Variants in PTP4A2 observed in about 807,000 individuals in gnomAD.
PTP4A2 encodes protein tyrosine phosphatase 4A2.
Under a neutral mutation model 22.9 loss-of-function variants are expected in PTP4A2, and 2 were observed. That is an observed-to-expected ratio of 0.09 (90% CI 0.04 to 0.27). The LOEUF (loss-of-function observed/expected upper bound fraction) is 0.27. Among genes scored for constraint, PTP4A2 ranks in the 10% least tolerant of loss-of-function variants. The pLI, the probability that PTP4A2 is intolerant of heterozygous loss-of-function variation, is 1.00. For missense variants in PTP4A2, 103 were observed against 205.1 expected (o/e 0.50, Z 3.04); for synonymous variants, 68 against 69.1 (o/e 0.98, Z 0.08).
At chr1:31,915,132 G>A (rs983173343) in intron 3 of PTP4A2, among the ~76,000 whole-genome samples, 3 of 152,104 alleles carry the variant, frequency 2.0e-5, no homozygotes, top group Non-Finnish European at 4.4e-5. Context: ...GCTAAATATT[G>A]TATTAATTTC....
chr1:31,911,581 G>A (rs1651535893), intron 4 of PTP4A2, 115 bp downstream of exon 4: 2 of 975,074 alleles, frequency 2.1e-6, no homozygotes, highest in African/African-American at 3.4e-5. Context: ...TTCCTTTCAG[G>A]TAATTTAATG....
At position 31,908,126 on chromosome 1, in the gene PTP4A2, ATATATATATTATATT is replaced by A. The variant is rs1651286500; in HGVS notation, c.*711_*725del. 1 of 476 alleles carries A rather than the reference ATATATATATTATATT, an allele frequency of 2.1e-3. No individual in the cohort carries two copies. Among genetic ancestry groups the A allele is most frequent in the Non-Finnish European group, 3.7e-3 (1 of 268 alleles). The allele number at this position is 476 out of a possible 1,614,324, so 0.0% of individuals were successfully genotyped here. ...AACCACCTGGAAAATATATATATAT[ATATATATATTATATT>A]ATATATATATATATATATATATATA... On this transcript the variant is annotated 3_prime_UTR_variant, in exon 6 of 6. Coordinates refer to ENST00000647444, the MANE Select transcript of PTP4A2 (RefSeq NM_080391.4).
rs570734348 is a variant in PTP4A2 at position 31,927,355 on chromosome 1, G to A, written c.-593-7697C>T. The stretch of plus-strand genomic sequence containing the variant: ...CAACAGACACTGGGGACCACTTGAG[G>A]GTGGAGGGTGAGAGGAGAGTGGGGC... On this transcript the variant is annotated intron_variant, in intron 1 of 5. Transcript: ENST00000647444. Among the ~76,000 whole-genome samples, 21 of 152,300 alleles carry A rather than the reference G, an allele frequency of 1.4e-4. No homozygotes were observed. In the South Asian group the frequency reaches 4.3e-3, roughly 32 times the overall value.
chr1:31,936,854 C>T (rs1193735906), intron 1 of PTP4A2, among the ~76,000 whole-genome samples: 1 of 152,156 alleles, frequency 6.6e-6, no homozygotes, highest in Non-Finnish European at 1.5e-5. Context: ...TCTTACAGAG[C>T]ATGACAGCAA....
chr1:31,934,728 T>C (rs1053354932), intron 1 of PTP4A2, among the ~76,000 whole-genome samples: 1 of 152,194 alleles, frequency 6.6e-6, no homozygotes, highest in African/African-American at 2.4e-5. Context: ...TATGGGGCTC[T>C]CATACTGTTT....
At position 31,929,801 on chromosome 1, in the gene PTP4A2, G is replaced by A. The variant is rs190470664; in HGVS notation, c.-594+8186C>T. On this transcript the variant is annotated intron_variant, in intron 1 of 5. Transcript: ENST00000647444. ...TAATTTAAGATTCTGAACTTCAATT[G>A]TAATAAAGCAAATTCAGTAGTAAAA... Among the ~76,000 whole-genome samples, 276 of 152,252 alleles carry A rather than the reference G, an allele frequency of 1.8e-3. 1 individual carries two copies. The South Asian group carries it at 0.023, about 13-fold the overall frequency.
At chr1:31,927,479 A>G (rs1001578823) in intron 1 of PTP4A2, among the ~76,000 whole-genome samples, 1 of 152,190 alleles carries the variant, frequency 6.6e-6, no homozygotes, top group African/African-American at 2.4e-5. Context: ...TTACCCACGT[A>G]ACAAACCTGC....
In PTP4A2 at chr1:31,919,102, T is replaced by C. The variant is rs1364766671; in HGVS notation, c.-37A>G. On this transcript the variant is annotated 5_prime_UTR_variant, in exon 2 of 6. Transcript: ENST00000647444. ...AAAAGTGTGAGCGTGCGTGTGAGTG[T>C]GATGGGGAAAGTGAAAAAAAAAAAT... The C allele has an allele frequency of 5.7e-6, 6 of 1,047,810 alleles. No individual in the cohort carries two copies. The South Asian group carries it at 8.1e-5, about 14-fold the overall frequency. The allele number at this position is 1,047,810 out of a possible 1,614,324, so 64.9% of individuals were successfully genotyped here.
intron 3 of PTP4A2, 106 bp from the exon 4 acceptor site, chr1:31,911,932 C>A (rs577515129): frequency 1.5e-6 from 1 of 686,814 alleles, no homozygotes; most frequent in African/African-American, 1.9e-5. Context: ...ACTGAACTAA[C>A]TGCACTATAT....
intron 1 of PTP4A2, among the ~76,000 whole-genome samples, chr1:31,920,570 C>G (rs1439798012): frequency 5.1e-5 from 7 of 137,742 alleles, no homozygotes; most frequent in African/African-American, 1.7e-4. Flanking sequence ...CGGAGCCTTG[C>G]TCTGTCACCC....
intron 1 of PTP4A2, among the ~76,000 whole-genome samples, chr1:31,930,409 C>G (rs1213137670): frequency 6.6e-6 from 1 of 152,106 alleles, no homozygotes; most frequent in East Asian, 1.9e-4. Flanking sequence ...TTTCATTTCC[C>G]CATTTTGTCA....
intron 1 of PTP4A2, among the ~76,000 whole-genome samples, chr1:31,920,575 T>C (rs1652096441): frequency 6.8e-6 from 1 of 146,616 alleles, no homozygotes; most frequent in Non-Finnish European, 1.5e-5. Flanking sequence ...CCTTGCTCTG[T>C]CACCCAGGCT....
rs768921211 is a variant in PTP4A2, at chr1:31,911,862, T to C, written c.190-36A>G. The C allele has an allele frequency of 2.0e-6, 3 of 1,512,430 alleles. No homozygotes were observed. In the East Asian group the frequency reaches 7.0e-5, roughly 35 times the overall value. The allele number at this position is 1,512,430 out of a possible 1,614,324, so 93.7% of individuals were successfully genotyped here. A position where few individuals can be genotyped will look rare whatever the true frequency, so the allele number is the denominator to read the frequency against. ...ATGACCTTTTACATTAAATTGATAT[T>C]TTCTCCATGATTAACATCCTAATAC... On this transcript the variant is annotated intron_variant, in intron 3 of 5. Transcript: ENST00000647444.
chr1:31,932,735 C>G (rs1652774345), intron 1 of PTP4A2: 1 of 152,210 alleles, frequency 6.6e-6, no homozygotes, highest in Non-Finnish European at 1.5e-5. Context: ...TGCTGTGCAG[C>G]TTCTTTCATG....
At position 31,911,686 on chromosome 1, in the gene PTP4A2, A is replaced by G; in HGVS notation, c.320+10T>C. 6.4e-7 allele frequency: 1 copy of G among 1,566,574 alleles called. No individual in the cohort carries two copies. Among genetic ancestry groups the G allele is most frequent in the South Asian group, 1.2e-5 (1 of 82,868 alleles). On this transcript the variant is annotated intron_variant, in intron 4 of 5. Transcript: ENST00000647444. ...TTCAGACAAAAAGGGTAATAAAGGT[A>G]AGAGTTTACCTTCCCAATCCTGCAA...
intron 1 of PTP4A2, among the ~76,000 whole-genome samples, chr1:31,928,799 A>T (rs1402339327): frequency 1.3e-5 from 2 of 152,142 alleles, no homozygotes; most frequent in Non-Finnish European, 2.9e-5. Flanking sequence ...AAGTCCCAGT[A>T]CAGAAATCAA....
chr1:31,917,750 C>T (rs1010842590), intron 2 of PTP4A2, among the ~76,000 whole-genome samples: 72 of 150,540 alleles, frequency 4.8e-4, no homozygotes, highest in African/African-American at 1.8e-3. Context: ...CCGAGGAAGG[C>T]GGATCACGAG....
chr1:31,937,079 G>C lies in PTP4A2; in HGVS notation c.-594+908C>G, dbSNP rs535286849. 2.6e-5 allele frequency among the ~76,000 whole-genome samples: 4 copies of C among 152,236 alleles called. No homozygotes were observed. The South Asian group carries it at 8.3e-4, about 32-fold the overall frequency. On this transcript the variant is annotated intron_variant, in intron 1 of 5. Transcript: ENST00000647444. ...GTACTTTACAAAAGTTTATGCTCCTGAACACTCTACAGGCCAGAGTGTAGG... is the reference window on the plus strand; with the variant it reads ...GTACTTTACAAAAGTTTATGCTCCTCAACACTCTACAGGCCAGAGTGTAGG...
chr1:31,929,019 T>C (rs1032333868), intron 1 of PTP4A2, among the ~76,000 whole-genome samples: 4 of 152,186 alleles, frequency 2.6e-5, no homozygotes, highest in Admixed American at 2.6e-4. Flanking sequence ...TGGTTTTAGA[T>C]GTGCATGTAC....
Sources: gnomAD v4.1 joint callset for allele counts (sites outside exome capture counted in the v4.1 genomes callset) on GRCh38, gnomAD v4.1.1 for gene constraint, MANE v1.5 for transcripts, NCBI Gene and HGNC (gene_info 2026-07-23, HGNC 2026-07-21) for gene names.